SLC35F3: variants seen among roughly 807,000 people sequenced by gnomAD.
SLC35F3 encodes the protein solute carrier family 35 member F3.
Under a neutral mutation model 49.9 loss-of-function variants are expected in SLC35F3, and 25 were observed. The ratio of observed to expected loss-of-function variants is 0.50; its 90% CI spans 0.37 to 0.70. The LOEUF is 0.70. Among genes scored for constraint, SLC35F3 ranks in the 30% least tolerant of loss-of-function variants. SLC35F3 has a pLI of 0.00. For synonymous variants in SLC35F3, 275 were observed against 265.4 expected, an observed-to-expected ratio of 1.04 and a Z score of -0.35; for missense variants, 525 against 639.8, an observed-to-expected ratio of 0.82 and a Z score of 1.94.
chr1:234,147,499 C>A (rs1666016526), intron 2 of SLC35F3, among the ~76,000 whole-genome samples: 1 of 152,016 alleles, frequency 6.6e-6, no homozygotes. Context: ...AATATCTCTG[C>A]TTTGGATGGT....
intron 2 of SLC35F3, among the ~76,000 whole-genome samples, chr1:234,001,985 T>C (rs1340807261): frequency 6.6e-6 from 1 of 152,222 alleles, no homozygotes; most frequent in Non-Finnish European, 1.5e-5. Flanking sequence ...TTTGCTCCAA[T>C]AGCTGAAAAG....
chr1:234,174,499 G>T (rs1465804489), intron 2 of SLC35F3, among the ~76,000 whole-genome samples: 1 of 152,108 alleles, frequency 6.6e-6, no homozygotes, highest in East Asian at 1.9e-4. Context: ...ACTTAATCCC[G>T]CCCTGTCTCT....
chr1:234,039,718 G>A (rs574397121), intron 2 of SLC35F3, among the ~76,000 whole-genome samples: 1 of 152,310 alleles, frequency 6.6e-6, no homozygotes, highest in Admixed American at 6.5e-5. Flanking sequence ...AGCCTGCCAT[G>A]CTCAACCCCT....
At position 234,323,941 on chromosome 1, in the gene SLC35F3, C is replaced by A. The variant is rs1362488446; in HGVS notation, c.*698C>A. The A allele has an allele frequency of 1.3e-5, 2 of 152,274 alleles. No homozygotes were observed. Among genetic ancestry groups the A allele is most frequent in the Non-Finnish European group, 2.9e-5 (2 of 68,092 alleles). The allele number at this position is 152,274 out of a possible 1,614,324, so 9.4% of individuals were successfully genotyped here. ...GCCTTCTACAGAATTTTCGTCTTTA[C>A]CTATGTGAAGCGAGGTGACGTGATA... On this transcript the variant is annotated 3_prime_UTR_variant, in exon 8 of 8. Transcript: ENST00000366618. This position sits in a 1 kb window ranked among gnomAD's most constrained non-coding sequence, Gnocchi z 4.5.
intron 3 of SLC35F3, among the ~76,000 whole-genome samples, chr1:234,300,642 C>T (rs1668678623): frequency 6.6e-6 from 1 of 152,158 alleles, no homozygotes; most frequent in South Asian, 2.1e-4. Flanking sequence ...ATGAGGAAGA[C>T]AGGGCATTAT....
rs9435538 is a variant in SLC35F3, at chr1:234,000,173, G to A, written c.283+94415G>A. Among the ~76,000 whole-genome samples, 760 of 152,180 alleles carry A rather than the reference G, an allele frequency of 5.0e-3. 6 individuals are homozygous for A. Among genetic ancestry groups the A allele is most frequent in the African/African-American group, 0.018 (738 of 41,518 alleles). On this transcript the variant is annotated intron_variant, in intron 2 of 7. Coordinates refer to ENST00000366618, the MANE Select transcript of SLC35F3 (RefSeq NM_173508.4). ...CTAACTAAGCAAAGAATTAATATAC[G>A]CAAAGAGTAGAAAACATGGGCTGCG...
intron 2 of SLC35F3, among the ~76,000 whole-genome samples, chr1:233,976,511 G>A (rs933718275): frequency 6.6e-6 from 1 of 152,146 alleles, no homozygotes; most frequent in Non-Finnish European, 1.5e-5. Flanking sequence ...TTTTCTCAGT[G>A]TGTGTCCTAT....
At chr1:234,313,428 C>T (rs1004145994) in intron 4 of SLC35F3, among the ~76,000 whole-genome samples, 3 of 152,130 alleles carry the variant, frequency 2.0e-5, no homozygotes, top group African/African-American at 7.2e-5. Flanking sequence ...CAGTGGGTCA[C>T]CATGCTGGAT....
At chr1:233,994,230 A>G (rs538996950) in intron 2 of SLC35F3, among the ~76,000 whole-genome samples, 1 of 152,318 alleles carries the variant, frequency 6.6e-6, no homozygotes, top group South Asian at 2.1e-4. Flanking sequence ...CTTACTATGG[A>G]CTAGGTAGGA....
intron 2 of SLC35F3, among the ~76,000 whole-genome samples, chr1:234,108,499 TTA>T (rs1374654783): frequency 5.4e-5 from 6 of 111,326 alleles, no homozygotes; most frequent in African/African-American, 7.2e-5. Context: ...TATATATTAT[TTA>T]TATATATAAA....
intron 2 of SLC35F3, among the ~76,000 whole-genome samples, chr1:233,911,951 G>C (rs1404706400): frequency 6.6e-6 from 1 of 152,152 alleles, no homozygotes; most frequent in Non-Finnish European, 1.5e-5. Context: ...CTCCAGCTTT[G>C]AGCCTTGGTC....
At chr1:233,962,266 T>G (rs1276547107) in intron 2 of SLC35F3, among the ~76,000 whole-genome samples, 1 of 152,252 alleles carries the variant, frequency 6.6e-6, no homozygotes, top group Non-Finnish European at 1.5e-5. Context: ...CAGTTTCTAT[T>G]TATCTGTATT....
intron 2 of SLC35F3, among the ~76,000 whole-genome samples, chr1:233,991,520 A>T (rs1189195107): frequency 6.6e-6 from 1 of 152,182 alleles, no homozygotes. Context: ...ATTCAGACTT[A>T]GAGAGTGTTC....
chr1:234,132,274 C>T (rs367879900), intron 2 of SLC35F3, among the ~76,000 whole-genome samples: 4 of 152,110 alleles, frequency 2.6e-5, no homozygotes, highest in Non-Finnish European at 4.4e-5. Context: ...ATTTCTGCCT[C>T]GTACATTGCT....
intron 2 of SLC35F3, among the ~76,000 whole-genome samples, chr1:234,193,962 A>G (rs1666767451): frequency 6.6e-6 from 1 of 152,212 alleles, no homozygotes; most frequent in Non-Finnish European, 1.5e-5. Context: ...GTTGGCATGG[A>G]TATGGTGAAA....
intron 5 of SLC35F3, 68 bp downstream of exon 5, chr1:234,316,795 C>T (rs930987765): frequency 9.7e-6 from 15 of 1,544,244 alleles, no homozygotes; most frequent in Admixed American, 1.8e-5. Flanking sequence ...GGCTTTAGAT[C>T]GCTTGTCCTT....
At chr1:234,163,815 C>T (rs993719813) in intron 2 of SLC35F3, among the ~76,000 whole-genome samples, 1 of 152,164 alleles carries the variant, frequency 6.6e-6, no homozygotes, top group Non-Finnish European at 1.5e-5. Flanking sequence ...CCAGATCTGC[C>T]ATGCCCTCCT....
intron 2 of SLC35F3, among the ~76,000 whole-genome samples, chr1:233,924,221 A>G (rs959613473): frequency 4.8e-4 from 73 of 152,342 alleles, no homozygotes; most frequent in African/African-American, 1.5e-3. Flanking sequence ...AAGGAATGGT[A>G]ACAGCTCCTC....
At chr1:234,211,500 C>T (rs370057864) in intron 2 of SLC35F3, among the ~76,000 whole-genome samples, 94 of 151,338 alleles carry the variant, frequency 6.2e-4, no homozygotes, top group East Asian at 1.9e-3. Flanking sequence ...AACATGGGAA[C>T]CCCCCCCTTA....
Sources: gnomAD v4.1 joint callset for allele counts (sites outside exome capture counted in the v4.1 genomes callset) on GRCh38, gnomAD v4.1.1 for gene constraint, Gnocchi (gnomAD v3.1) non-coding constraint, MANE v1.5 for transcripts, NCBI Gene and HGNC (gene_info 2026-07-23, HGNC 2026-07-21) for gene names.